The following EVL variants were observed in gnomAD, a reference collection of about 807,000 sequenced individuals.
EVL encodes the protein Enah/Vasp-like.
Under a neutral mutation model 59.6 loss-of-function variants are expected in EVL, and 21 were observed. That is an observed-to-expected ratio of 0.35 (90% confidence interval 0.25 to 0.51). The LOEUF is 0.51. Ranked by LOEUF, EVL falls within the 20% of genes least tolerant of loss-of-function variation. The probability of loss-of-function intolerance (pLI) is 0.97; values close to 1 mark genes in which losing one functional copy is unlikely to be tolerated. For missense variants in EVL, 462 were observed against 546.6 expected, an observed-to-expected ratio of 0.85 and a Z score of 1.54; for synonymous variants, 198 against 203.5, an observed-to-expected ratio of 0.97 and a Z score of 0.23.
chr14:100,141,837 G>A (rs377745643), intron 13 of EVL, 44 bp downstream of exon 13: 505 of 1,590,642 alleles, frequency 3.2e-4, no homozygotes, highest in Non-Finnish European at 3.8e-4. Flanking sequence ...AGGTGTGGCC[G>A]CAGGACAAGG....
chr14:100,086,360 C>A (rs1013516782), intron 2 of EVL, among the ~76,000 whole-genome samples: 15 of 152,330 alleles, frequency 9.8e-5, no homozygotes, highest in African/African-American at 2.9e-4. Flanking sequence ...AAAAATATCT[C>A]AAGCTTTCAG....
chr14:100,137,957 G>T (rs1043701427), intron 11 of EVL, 155 bp downstream of exon 11: 2 of 694,026 alleles, frequency 2.9e-6, no homozygotes, highest in African/African-American at 1.8e-5. Context: ...AGGACCTCGG[G>T]GTCCTGTCAG....
At chr14:100,038,261 G>A (rs1462057377) in intron 1 of EVL, among the ~76,000 whole-genome samples, 1 of 152,270 alleles carries the variant, frequency 6.6e-6, no homozygotes, top group African/African-American at 2.4e-5. Flanking sequence ...GTTGTGGCAA[G>A]TGGACAGAAT....
intron 11 of EVL, chr14:100,139,324 T>A (rs1213517799): frequency 2.0e-5 from 3 of 152,282 alleles, no homozygotes; most frequent in Non-Finnish European, 2.9e-5. Flanking sequence ...ATCTGTTCTC[T>A]AATTTTCAGA....
chr14:100,016,543 G>A (rs775676486), intron 1 of EVL, among the ~76,000 whole-genome samples: 67 of 152,110 alleles, frequency 4.4e-4, no homozygotes, highest in Non-Finnish European at 7.9e-4. Flanking sequence ...ACAAACAAAC[G>A]TCCGGCCTGG....
intron 1 of EVL, among the ~76,000 whole-genome samples, chr14:100,081,450 G>T (rs921872855): frequency 6.6e-6 from 1 of 151,694 alleles, no homozygotes; most frequent in Non-Finnish European, 1.5e-5. Flanking sequence ...TTCAAAGGGT[G>T]GGGGGAAACC....
At chr14:100,113,960 T>A (rs908851671) in intron 3 of EVL, among the ~76,000 whole-genome samples, 9 of 152,128 alleles carry the variant, frequency 5.9e-5, no homozygotes, top group Non-Finnish European at 1.2e-4. Context: ...AGGAATGGCC[T>A]GGAAGACCAG....
intron 1 of EVL, among the ~76,000 whole-genome samples, chr14:100,050,052 G>A (rs573950243): frequency 3.9e-5 from 6 of 152,186 alleles, no homozygotes; most frequent in South Asian, 2.1e-4. Context: ...GTCGATCCTC[G>A]CTCAAGGGGA....
At chr14:99,986,290 C>CAGAAAAA (rs2060839765) in intron 1 of EVL, among the ~76,000 whole-genome samples, 1 of 78,482 alleles carries the variant, frequency 1.3e-5, no homozygotes, top group Admixed American at 1.4e-4. Context: ...GACTCTGTCT[C>CAGAAAAA]AAAAAAAAAA....
In EVL at chr14:100,033,294, C is replaced by T. The variant is rs1595591727; in HGVS notation, c.6-51393C>T. Among the ~76,000 whole-genome samples, 6 of 152,268 alleles carry T rather than the reference C, an allele frequency of 3.9e-5. 1 individual carries two copies. Among genetic ancestry groups the T allele is most frequent in the Admixed American group, 3.9e-4 (6 of 15,300 alleles). Reference sequence around the variant, plus strand: ...CAAGGTAACACACTTTCAAATGTGCCTGCTGTACTGTGGGCACTTTTGTTA... The same window carrying T: ...CAAGGTAACACACTTTCAAATGTGCTTGCTGTACTGTGGGCACTTTTGTTA... On this transcript the variant is annotated intron_variant, in intron 1 of 13. Coordinates refer to the EVL transcript ENST00000402714.
chr14:100,093,206 A>C (rs2062601256), intron 2 of EVL, among the ~76,000 whole-genome samples: 1 of 152,252 alleles, frequency 6.6e-6, no homozygotes, highest in African/African-American at 2.4e-5. Flanking sequence ...CTGTTTTAGA[A>C]GTCAATTTTC....
At chr14:100,105,226 A>T (rs976449344) in intron 3 of EVL, among the ~76,000 whole-genome samples, 3 of 152,150 alleles carry the variant, frequency 2.0e-5, no homozygotes, top group Non-Finnish European at 4.4e-5. Flanking sequence ...GTGTTGTCTC[A>T]GTCATCCCTG....
intron 1 of EVL, among the ~76,000 whole-genome samples, chr14:100,075,152 A>G (rs1421302771): frequency 6.6e-6 from 1 of 152,228 alleles, no homozygotes; most frequent in Admixed American, 6.5e-5. Flanking sequence ...ACCAGAGCCA[A>G]GCTGCATGGC....
chr14:100,078,130 A>G (rs1453360574), intron 1 of EVL, among the ~76,000 whole-genome samples: 2 of 152,244 alleles, frequency 1.3e-5, no homozygotes, highest in African/African-American at 4.8e-5. Context: ...AATTCCACAT[A>G]GTTCACGTTG....
intron 8 of EVL, chr14:100,135,563 T>G: frequency 3.6e-6 from 1 of 280,158 alleles, no homozygotes; most frequent in Non-Finnish European, 7.0e-6. Context: ...GTCCACGGGG[T>G]GCTCATGAGA....
At chr14:100,106,242 G>A (rs985013452) in intron 3 of EVL, 1 of 152,210 alleles carries the variant, frequency 6.6e-6, no homozygotes, top group African/African-American at 2.4e-5. Flanking sequence ...TCTGTTTTAA[G>A]AAAAAGCACT....
chr14:100,036,912 G>A (rs777428038), intron 1 of EVL, among the ~76,000 whole-genome samples: 2 of 152,192 alleles, frequency 1.3e-5, no homozygotes, highest in Non-Finnish European at 2.9e-5. Flanking sequence ...TCTTAAGAGT[G>A]GCCCCTAGTC....
intron 1 of EVL, among the ~76,000 whole-genome samples, chr14:100,083,570 A>AT (rs1440211160): frequency 3.9e-5 from 6 of 152,210 alleles, no homozygotes; most frequent in Non-Finnish European, 8.8e-5. Flanking sequence ...CTTCCCCTGA[A>AT]TACCGTGGCA....
intron 1 of EVL, among the ~76,000 whole-genome samples, chr14:100,069,654 A>G (rs1484420788): frequency 6.6e-6 from 1 of 152,158 alleles, no homozygotes; most frequent in Non-Finnish European, 1.5e-5. Flanking sequence ...TGTCTCAAAG[A>G]ATCCCATGTG....
Sources: gnomAD v4.1 joint callset for allele counts (sites outside exome capture counted in the v4.1 genomes callset) on GRCh38, gnomAD v4.1.1 for gene constraint, MANE v1.5 for transcripts, NCBI Gene and HGNC (gene_info 2026-07-23, HGNC 2026-07-21) for gene names.